TENM2: variants seen among roughly 807,000 people sequenced by gnomAD.
The protein encoded by TENM2 is teneurin transmembrane protein 2.
In TENM2, 52 loss-of-function variants were observed where a neutral mutation model predicts 245.2. That is an observed-to-expected ratio of 0.21 (90% confidence interval 0.17 to 0.27). TENM2 has a LOEUF of 0.27. TENM2 is among the 10% of genes least tolerant of loss of function. TENM2 has a pLI of 1.00. For missense variants in TENM2, 3,046 were observed against 3,666.8 expected (o/e 0.83, Z 4.37); for synonymous variants, 1,363 against 1,438.9 (o/e 0.95, Z 1.19).
the TENM2 span, among the ~76,000 whole-genome samples, chr5:167,203,862 G>A: frequency 6.6e-6 from 1 of 151,540 alleles, no homozygotes; most frequent in East Asian, 1.9e-4. Flanking sequence ...AAAAAAGGAA[G>A]ACAAAAGAGA....
intron 4 of TENM2, among the ~76,000 whole-genome samples, chr5:167,965,942 A>T (rs913908684): frequency 6.6e-6 from 1 of 152,222 alleles, no homozygotes; most frequent in Non-Finnish European, 1.5e-5. Context: ...GTCTAGCCTG[A>T]TGGCAAACAA....
the TENM2 span, among the ~76,000 whole-genome samples, chr5:167,127,650 A>G: frequency 1.3e-5 from 2 of 150,694 alleles, no homozygotes; most frequent in Non-Finnish European, 3.0e-5. Context: ...AGGAAAAGGA[A>G]AAAAAAAAGC....
chr5:167,019,448 C>T, the TENM2 span, among the ~76,000 whole-genome samples: 3 of 151,976 alleles, frequency 2.0e-5, no homozygotes, highest in African/African-American at 7.2e-5. Flanking sequence ...CACAAGCTTT[C>T]TTTTTTGTTG....
rs1422013574 is a variant in TENM2 at position 167,342,467 on chromosome 5, C to G, written c.227-32731C>G. Among the ~76,000 whole-genome samples, 3 of 144,810 alleles carry G rather than the reference C, an allele frequency of 2.1e-5. No homozygotes were observed. In the East Asian group the frequency reaches 6.1e-4, roughly 30 times the overall value. Reference sequence around the variant, plus strand: ...TATGATATTAACCCTGGTCATCTGACTGCGGTCGGGTTTTCAGGTTTCTCA... The same window carrying G: ...TATGATATTAACCCTGGTCATCTGAGTGCGGTCGGGTTTTCAGGTTTCTCA... On this transcript the variant is annotated intron_variant, in intron 1 of 28. Coordinates refer to ENST00000518659, the Ensembl canonical transcript of TENM2.
At chr5:167,390,427 C>G (rs1166308114) in intron 2 of TENM2, among the ~76,000 whole-genome samples, 2 of 152,124 alleles carry the variant, frequency 1.3e-5, no homozygotes, top group African/African-American at 4.8e-5. Flanking sequence ...CTTGAGGAGA[C>G]AGAATCGAGT....
At chr5:168,002,917 T>G (rs2052523) in intron 5 of TENM2, among the ~76,000 whole-genome samples, 23,376 of 152,106 alleles carry the variant, frequency 0.15, 2,027 homozygotes, top group Admixed American at 0.26. Context: ...TACTTGAAAT[T>G]TTTTTCCTGG....
intron 2 of TENM2, among the ~76,000 whole-genome samples, chr5:167,452,407 C>A (rs1203257358): frequency 6.6e-6 from 1 of 152,152 alleles, no homozygotes; most frequent in Non-Finnish European, 1.5e-5. Flanking sequence ...AACTTTACCT[C>A]TTCTCTTATG....
chr5:167,603,309 C>T (rs987896977), intron 2 of TENM2, among the ~76,000 whole-genome samples: 1 of 152,108 alleles, frequency 6.6e-6, no homozygotes, highest in Non-Finnish European at 1.5e-5. Flanking sequence ...GGAGGAAATC[C>T]GTGTTGGCTT....
chr5:167,262,013 A>C, the TENM2 span, among the ~76,000 whole-genome samples: 8 of 152,198 alleles, frequency 5.3e-5, no homozygotes, highest in Non-Finnish European at 8.8e-5. Context: ...CCTCATGTTT[A>C]AAATGGAACT....
At chr5:168,117,136 C>T (rs1319881186) in intron 9 of TENM2, among the ~76,000 whole-genome samples, 1 of 152,194 alleles carries the variant, frequency 6.6e-6, no homozygotes, top group Non-Finnish European at 1.5e-5. Flanking sequence ...TGAGGCCAAA[C>T]TGATTAAAGC....
intron 2 of TENM2, among the ~76,000 whole-genome samples, chr5:167,782,120 C>A (rs1359775402): frequency 6.6e-6 from 1 of 151,676 alleles, no homozygotes; most frequent in Non-Finnish European, 1.5e-5. Context: ...TCGAGACCAG[C>A]CTGACCAACA....
At chr5:167,657,231 C>T (rs147255021) in intron 2 of TENM2, among the ~76,000 whole-genome samples, 6 of 152,254 alleles carry the variant, frequency 3.9e-5, no homozygotes, top group South Asian at 4.1e-4. Context: ...TGGAATGCGA[C>T]GTTTAACTTT....
intron 9 of TENM2, among the ~76,000 whole-genome samples, chr5:168,105,501 C>T (rs1277804912): frequency 2.6e-5 from 4 of 152,134 alleles, no homozygotes; most frequent in Non-Finnish European, 4.4e-5. Flanking sequence ...CGTGAGAGAC[C>T]GGGTCATGAG....
At chr5:168,030,046 C>T (rs1420875923) in intron 5 of TENM2, among the ~76,000 whole-genome samples, 1 of 151,654 alleles carries the variant, frequency 6.6e-6, no homozygotes, top group African/African-American at 2.4e-5. Flanking sequence ...GATCATGGGT[C>T]ACCTGGAGCA....
chr5:167,885,884 T>C (rs1465624408), intron 3 of TENM2, among the ~76,000 whole-genome samples: 1 of 152,182 alleles, frequency 6.6e-6, no homozygotes, highest in Non-Finnish European at 1.5e-5. Flanking sequence ...GTTTTCACCA[T>C]GTTGGACAGG....
At chr5:168,238,178 A>AGG (rs1765687440) in intron 25 of TENM2, among the ~76,000 whole-genome samples, 1 of 69,776 alleles carries the variant, frequency 1.4e-5, no homozygotes, top group Non-Finnish European at 2.3e-5. Flanking sequence ...AGAGAGAGAG[A>AGG]GAGAGAGGGA....
intron 2 of TENM2, among the ~76,000 whole-genome samples, chr5:167,805,600 C>T (rs1413093761): frequency 6.6e-6 from 1 of 152,126 alleles, no homozygotes; most frequent in African/African-American, 2.4e-5. Context: ...TTACCTCCCA[C>T]AGTGGCAGTA....
intron 2 of TENM2, among the ~76,000 whole-genome samples, chr5:167,731,638 G>A (rs1203955752): frequency 1.4e-5 from 2 of 146,826 alleles, no homozygotes; most frequent in Non-Finnish European, 3.0e-5. Flanking sequence ...GAGTGTGTTT[G>A]GTCTAATTGA....
chr5:167,480,858 GTTTTAT>G (rs1767715858), intron 2 of TENM2, among the ~76,000 whole-genome samples: 1 of 152,154 alleles, frequency 6.6e-6, no homozygotes, highest in South Asian at 2.1e-4. Flanking sequence ...AGGCTTGGTA[GTTTTAT>G]TTTTAAGATT....
Sources: allele counts gnomAD v4.1 joint callset (sites outside exome capture counted in the v4.1 genomes callset), GRCh38; gene constraint gnomAD v4.1.1; transcripts MANE v1.5; gene names NCBI Gene and HGNC (gene_info 2026-07-23, HGNC 2026-07-21).